Variants in RORA observed in about 807,000 individuals in gnomAD.
The protein encoded by RORA is RAR related orphan receptor A, also known as nuclear receptor ROR-alpha.
A neutral mutation model predicts 69.5 loss-of-function variants in RORA; 7 were observed. That is an observed-to-expected ratio of 0.10 (90% CI 0.06 to 0.19). The LOEUF is 0.19. RORA is among the 10% of genes least tolerant of loss of function. RORA has a pLI of 1.00. For missense variants in RORA, 457 were observed against 663.0 expected, an observed-to-expected ratio of 0.69 and a Z score of 3.41; for synonymous variants, 261 against 240.8, an observed-to-expected ratio of 1.08 and a Z score of -0.78.
chr15:60,495,960 G>A lies in RORA; in HGVS notation c.*1495C>T, dbSNP rs1246840382. On this transcript the variant is annotated 3_prime_UTR_variant, in exon 11 of 11. Transcript: ENST00000335670. ...TAAATATTTAATAAAATAAATTACA[G>A]TCCACAGTTTCCTAGTGAAGATAAA... 1 of 151,370 alleles carries A rather than the reference G, an allele frequency of 6.6e-6. No individual in the cohort carries two copies. Among genetic ancestry groups the A allele is most frequent in the African/African-American group, 2.4e-5 (1 of 41,156 alleles). The allele number at this position is 151,370 out of a possible 1,614,324, so 9.4% of individuals were successfully genotyped here.
At chr15:60,980,001 G>A (rs1252403526) in intron 1 of RORA, among the ~76,000 whole-genome samples, 1 of 152,184 alleles carries the variant, frequency 6.6e-6, no homozygotes, top group Non-Finnish European at 1.5e-5. Flanking sequence ...TAAGTATGAT[G>A]TTAGCTGTGG....
At chr15:60,502,728 T>C (rs756931188) in intron 8 of RORA, 32 bp downstream of exon 8, 2 of 1,324,910 alleles carry the variant, frequency 1.5e-6, no homozygotes, top group Admixed American at 1.7e-5. Flanking sequence ...ATAGCCCTGA[T>C]TTGAAGAAAA....
chr15:60,723,928 G>A (rs562461677), intron 1 of RORA, among the ~76,000 whole-genome samples: 4 of 152,252 alleles, frequency 2.6e-5, no homozygotes, highest in African/African-American at 7.2e-5. Flanking sequence ...TGTGTGGCAC[G>A]GTCAACACTG....
chr15:60,660,960 T>C (rs1366763179), intron 2 of RORA, among the ~76,000 whole-genome samples: 1 of 151,918 alleles, frequency 6.6e-6, no homozygotes, highest in Non-Finnish European at 1.5e-5. Flanking sequence ...ACAGAAGCAT[T>C]TTCAGACTTG....
At chr15:60,858,700 C>T (rs1451377905) in intron 1 of RORA, among the ~76,000 whole-genome samples, 1 of 151,376 alleles carries the variant, frequency 6.6e-6, no homozygotes, top group Non-Finnish European at 1.5e-5. Context: ...AATACACACA[C>T]ACACACACAC....
At chr15:60,903,559 C>A (rs774113011) in intron 1 of RORA, among the ~76,000 whole-genome samples, 5 of 152,212 alleles carry the variant, frequency 3.3e-5, no homozygotes, top group African/African-American at 7.2e-5. Flanking sequence ...ATGTTCAAGG[C>A]TCTGCTTTAT....
At chr15:60,896,037 A>C (rs984609251) in intron 1 of RORA, among the ~76,000 whole-genome samples, 1 of 152,164 alleles carries the variant, frequency 6.6e-6, no homozygotes, top group African/African-American at 2.4e-5. Flanking sequence ...TTCTCTTATA[A>C]TCATCGTGGG....
At chr15:60,832,666 A>C (rs1425469594) in intron 1 of RORA, among the ~76,000 whole-genome samples, 1 of 152,222 alleles carries the variant, frequency 6.6e-6, no homozygotes, top group Non-Finnish European at 1.5e-5. Context: ...GATGAAAAAA[A>C]AAATGGAGGT....
intron 2 of RORA, among the ~76,000 whole-genome samples, chr15:60,644,517 A>C (rs2070002216): frequency 6.6e-6 from 1 of 152,212 alleles, no homozygotes; most frequent in Admixed American, 6.5e-5. Flanking sequence ...TCTCTTTTTA[A>C]AAATTATGGA....
intron 1 of RORA, among the ~76,000 whole-genome samples, chr15:61,000,157 A>T (rs1894702836): frequency 1.3e-5 from 2 of 152,198 alleles, no homozygotes; most frequent in Non-Finnish European, 2.9e-5. Flanking sequence ...AAAAATTATT[A>T]GCTAAATATC....
chr15:61,057,214 A>C (rs1018929075), intron 1 of RORA, among the ~76,000 whole-genome samples: 3 of 152,248 alleles, frequency 2.0e-5, no homozygotes, highest in African/African-American at 7.2e-5. Flanking sequence ...ACATCTACAT[A>C]AAATGAAGGT....
rs185231891 is a variant in RORA, at chr15:60,721,252, G to T, written c.167-42566C>A. Among the ~76,000 whole-genome samples, 242 of 152,270 alleles carry T rather than the reference G, an allele frequency of 1.6e-3. 4 individuals are homozygous for T. The highest frequency in any genetic ancestry group is 5.6e-3 in the African/African-American group (231 of 41,556). On this transcript the variant is annotated intron_variant, in intron 1 of 10. Transcript: ENST00000335670. ...CATTAAGCTGCACCAATTGCCGGGCGGGGAGAGCAGTCCAAATTAACAAAA... is the reference window on the plus strand; with the variant it reads ...CATTAAGCTGCACCAATTGCCGGGCTGGGAGAGCAGTCCAAATTAACAAAA...
intron 2 of RORA, among the ~76,000 whole-genome samples, chr15:60,542,950 C>T (rs1029487843): frequency 6.6e-6 from 1 of 150,958 alleles, no homozygotes; most frequent in Non-Finnish European, 1.5e-5. Flanking sequence ...TGCACACGCA[C>T]CCTACACACA....
intron 1 of RORA, among the ~76,000 whole-genome samples, chr15:61,094,422 C>T (rs2078759343): frequency 6.6e-6 from 1 of 152,112 alleles, no homozygotes; most frequent in Admixed American, 6.5e-5. Flanking sequence ...GGTATCTCAG[C>T]TGTTGCTGTC....
chr15:60,912,828 C>T (rs1005286869), intron 1 of RORA, among the ~76,000 whole-genome samples: 7 of 152,064 alleles, frequency 4.6e-5, no homozygotes, highest in African/African-American at 1.7e-4. Flanking sequence ...GCTAGAGAAA[C>T]AGTGTTTGGG....
At chr15:61,170,195 A>G (rs1015914689) in intron 1 of RORA, among the ~76,000 whole-genome samples, 7 of 152,194 alleles carry the variant, frequency 4.6e-5, no homozygotes, top group African/African-American at 1.4e-4. Flanking sequence ...ATCAACACAA[A>G]TCTACTAACT....
At chr15:60,756,179 G>A (rs555134095) in intron 1 of RORA, among the ~76,000 whole-genome samples, 36 of 152,328 alleles carry the variant, frequency 2.4e-4, no homozygotes, top group African/African-American at 6.5e-4. Flanking sequence ...GATGAATGTA[G>A]TGAATAATTA....
chr15:60,950,867 T>C (rs1159479523), intron 1 of RORA, among the ~76,000 whole-genome samples: 1 of 137,868 alleles, frequency 7.3e-6, no homozygotes, highest in Non-Finnish European at 1.5e-5. Flanking sequence ...ACTGTCAACA[T>C]TAGACAGATC....
At chr15:61,065,375 A>G (rs940156169) in intron 1 of RORA, among the ~76,000 whole-genome samples, 2 of 152,126 alleles carry the variant, frequency 1.3e-5, no homozygotes, top group Non-Finnish European at 2.9e-5. Context: ...TTCCCATGAG[A>G]GCCTTCCCTA....
Sources: gnomAD v4.1 joint callset for allele counts (sites outside exome capture counted in the v4.1 genomes callset) on GRCh38, gnomAD v4.1.1 for gene constraint, MANE v1.5 for transcripts, NCBI Gene and HGNC (gene_info 2026-07-23, HGNC 2026-07-21) for gene names.